Variants in FAM210A observed in about 807,000 individuals in gnomAD.
The protein encoded by FAM210A is family with sequence similarity 210 member A.
FAM210A carries 13 observed loss-of-function variants against 25.3 expected under a neutral mutation model. That is an observed-to-expected ratio of 0.51 (90% CI 0.33 to 0.82). FAM210A has a LOEUF of 0.82. FAM210A is among the 40% of genes least tolerant of loss of function. FAM210A has a pLI of 0.02. For synonymous variants in FAM210A, 125 were observed against 118.7 expected, an observed-to-expected ratio of 1.05 and a Z score of -0.35; for missense variants, 319 against 323.2, an observed-to-expected ratio of 0.99 and a Z score of 0.10.
intron 1 of FAM210A, among the ~76,000 whole-genome samples, chr18:13,713,111 A>C (rs2043834389): frequency 6.6e-6 from 1 of 152,234 alleles, no homozygotes; most frequent in African/African-American, 2.4e-5. Context: ...TGAACTATAC[A>C]TCTATAAGAA....
intron 1 of FAM210A, among the ~76,000 whole-genome samples, chr18:13,695,385 A>C (rs1005971343): frequency 6.6e-6 from 1 of 152,216 alleles, no homozygotes; most frequent in South Asian, 2.1e-4. Flanking sequence ...AAGGATTATA[A>C]ATCATGCTGC....
intron 3 of FAM210A, among the ~76,000 whole-genome samples, chr18:13,669,534 T>C (rs1307355225): frequency 1.3e-5 from 2 of 152,282 alleles, no homozygotes; most frequent in South Asian, 2.1e-4. Flanking sequence ...CTCTCTCACC[T>C]TCTCAGCAAG....
At chr18:13,669,865 C>T (rs1206767760) in intron 3 of FAM210A, among the ~76,000 whole-genome samples, 1 of 152,186 alleles carries the variant, frequency 6.6e-6, no homozygotes, top group Non-Finnish European at 1.5e-5. Flanking sequence ...CCAGACCATA[C>T]ATGCCATACT....
intron 3 of FAM210A, among the ~76,000 whole-genome samples, chr18:13,671,268 C>T (rs896923256): frequency 6.6e-6 from 1 of 152,126 alleles, no homozygotes; most frequent in African/African-American, 2.4e-5. Flanking sequence ...ATTAAACTCT[C>T]TGCTCCTTAA....
At chr18:13,675,895 A>T in intron 2 of FAM210A, among the ~76,000 whole-genome samples, 3 of 75,020 alleles carry the variant, frequency 4.0e-5, no homozygotes, top group African/African-American at 1.0e-4. Flanking sequence ...TGGCTTCTTT[A>T]TTTCCAGTTT....
intron 1 of FAM210A, among the ~76,000 whole-genome samples, chr18:13,696,345 T>C (rs923380126): frequency 6.6e-6 from 1 of 152,126 alleles, no homozygotes; most frequent in Non-Finnish European, 1.5e-5. Context: ...AAAAGCAGGA[T>C]CTATGAATGA....
At chr18:13,681,238 C>T (rs1456538352) in intron 2 of FAM210A, among the ~76,000 whole-genome samples, 4 of 152,172 alleles carry the variant, frequency 2.6e-5, no homozygotes, top group South Asian at 2.1e-4. Flanking sequence ...AGATCAGACG[C>T]ACCTAATTGG....
intron 1 of FAM210A, 86 bp from the exon 2 acceptor site, chr18:13,682,191 T>A: frequency 1.1e-6 from 1 of 912,360 alleles, no homozygotes; most frequent in Non-Finnish European, 1.6e-6. Flanking sequence ...CATTAACCAT[T>A]AGGAAGTAAA....
chr18:13,707,937 G>A (rs1385575223), intron 1 of FAM210A, among the ~76,000 whole-genome samples: 1 of 151,766 alleles, frequency 6.6e-6, no homozygotes, highest in African/African-American at 2.4e-5. Context: ...CCACATGGCT[G>A]CGCAGGAGTC....
chr18:13,690,707 G>A (rs1246886761), intron 1 of FAM210A, among the ~76,000 whole-genome samples: 4 of 152,156 alleles, frequency 2.6e-5, no homozygotes, highest in African/African-American at 9.7e-5. Flanking sequence ...CTGTTAGAAG[G>A]AAAACTAACA....
intron 1 of FAM210A, among the ~76,000 whole-genome samples, chr18:13,716,887 G>A (rs1242927327): frequency 6.6e-6 from 1 of 152,174 alleles, no homozygotes; most frequent in African/African-American, 2.4e-5. Context: ...CCAGTCTCAG[G>A]TAGTATTTTT....
intron 2 of FAM210A, among the ~76,000 whole-genome samples, chr18:13,679,579 G>T (rs2043533019): frequency 6.6e-6 from 1 of 152,142 alleles, no homozygotes; most frequent in Non-Finnish European, 1.5e-5. Flanking sequence ...AACCCATCCT[G>T]CCCATTATAA....
Position 13,666,331 on chromosome 18 carries a change from A to G in FAM210A, c.*149T>C. On this transcript the variant is annotated 3_prime_UTR_variant, in exon 4 of 4. Coordinates refer to ENST00000651643, the MANE Select transcript of FAM210A (RefSeq NM_152352.4). ...ACACTGATTTTTCTAGTGATATTTA[A>G]CTTTAAAAAGGTATTTTACTTCTTT... 1.6e-6 allele frequency: 1 copy of G among 639,116 alleles called. No homozygotes were observed. Among genetic ancestry groups the G allele is most frequent in the Non-Finnish European group, 2.7e-6 (1 of 369,374 alleles). 39.6% of individuals were successfully genotyped at this position (639,116 alleles called of 1,614,324 possible).
chr18:13,718,917 A>C (rs1003162036), intron 1 of FAM210A, among the ~76,000 whole-genome samples: 15 of 152,230 alleles, frequency 9.9e-5, no homozygotes, highest in Non-Finnish European at 2.1e-4. Flanking sequence ...AGCATATTTC[A>C]GAAAATGTCA....
At chr18:13,680,427 CAT>C (rs2043542662) in intron 2 of FAM210A, among the ~76,000 whole-genome samples, 1 of 151,986 alleles carries the variant, frequency 6.6e-6, no homozygotes, top group African/African-American at 2.4e-5. Flanking sequence ...ATAAGAGGAA[CAT>C]AATGTAAAGA....
intron 2 of FAM210A, 23 bp downstream of exon 2, chr18:13,681,582 C>T (rs1253277864): frequency 6.5e-7 from 1 of 1,537,436 alleles, no homozygotes; most frequent in African/African-American, 1.4e-5. Flanking sequence ...CAGGGAAAGA[C>T]ATTCAACTAA....
Position 13,682,141 on chromosome 18 carries a change from C to G in FAM210A, c.-28-36G>C, listed in dbSNP as rs1322065885. On this transcript the variant is annotated intron_variant, in intron 1 of 3. Transcript: ENST00000651643. ...AATTTTTCAAAAAAATTAGGTAATACTTAGGTTTCCATTTTAAATCAATTC... is the reference window on the plus strand; with the variant it reads ...AATTTTTCAAAAAAATTAGGTAATAGTTAGGTTTCCATTTTAAATCAATTC... 4 of 1,337,836 alleles carry G rather than the reference C, an allele frequency of 3.0e-6. No homozygotes were observed. In the South Asian group the frequency reaches 5.7e-5, roughly 19 times the overall value. The allele number at this position is 1,337,836 out of a possible 1,614,324, so 82.9% of individuals were successfully genotyped here. A position where few individuals can be genotyped will look rare whatever the true frequency, so the allele number is the denominator to read the frequency against.
intron 3 of FAM210A, among the ~76,000 whole-genome samples, chr18:13,669,725 T>C (rs1032656854): frequency 1.3e-5 from 2 of 152,202 alleles, no homozygotes; most frequent in Non-Finnish European, 1.5e-5. Context: ...TTTTGCACTG[T>C]CTTCTTTGAT....
intron 1 of FAM210A, among the ~76,000 whole-genome samples, chr18:13,701,952 C>G (rs899456272): frequency 6.6e-6 from 1 of 152,232 alleles, no homozygotes; most frequent in Admixed American, 6.5e-5. Context: ...AGGGCCCAAT[C>G]AGGGGCAAAT....
Sources: allele counts gnomAD v4.1 joint callset (sites outside exome capture counted in the v4.1 genomes callset), GRCh38; gene constraint gnomAD v4.1.1; transcripts MANE v1.5; gene names NCBI Gene and HGNC (gene_info 2026-07-23, HGNC 2026-07-21).